The following UBE3D variants were observed in gnomAD, a reference collection of about 807,000 sequenced individuals.
UBE3D encodes the protein ubiquitin protein ligase E3D.
In UBE3D, 48 loss-of-function variants were observed where a neutral mutation model predicts 49.6. The ratio of observed to expected loss-of-function variants is 0.97; its 90% CI spans 0.77 to 1.23. The LOEUF is 1.23. Ranked by LOEUF, UBE3D falls within the 50% of genes most tolerant of loss-of-function variation. UBE3D has a pLI of 0.00. For missense variants in UBE3D, 452 were observed against 468.4 expected, an observed-to-expected ratio of 0.96 and a Z score of 0.32; for synonymous variants, 189 against 174.2, an observed-to-expected ratio of 1.08 and a Z score of -0.67.
chr6:82,977,752 C>T (rs1215749010), intron 8 of UBE3D, among the ~76,000 whole-genome samples: 1 of 152,022 alleles, frequency 6.6e-6, no homozygotes, highest in Non-Finnish European at 1.5e-5. Flanking sequence ...GCAGAAAAAT[C>T]GCTTGAACCC....
At position 82,951,156 on chromosome 6, in the gene UBE3D, T is replaced by C. The variant is rs186027411; in HGVS notation, c.1149+6156A>G. Among the ~76,000 whole-genome samples the C allele has an allele frequency of 2.6e-5, 4 of 152,204 alleles. No individual in the cohort carries two copies. In the East Asian group the frequency reaches 7.7e-4, roughly 29 times the overall value. ...TAAATGCTTGAGGTGACAGATACCATATTTACCCTTATGTGCTTGTTATGC... is the reference window on the plus strand; with the variant it reads ...TAAATGCTTGAGGTGACAGATACCACATTTACCCTTATGTGCTTGTTATGC... On this transcript the variant is annotated intron_variant, in intron 9 of 9. Coordinates refer to ENST00000369747, the MANE Select transcript of UBE3D (RefSeq NM_198920.3).
At chr6:83,060,784 A>G (rs1784122637) in intron 1 of UBE3D, among the ~76,000 whole-genome samples, 2 of 152,234 alleles carry the variant, frequency 1.3e-5, no homozygotes. Context: ...GAAACCATCC[A>G]GAAAGGACTT....
intron 8 of UBE3D, among the ~76,000 whole-genome samples, chr6:83,015,628 G>A (rs1368321125): frequency 2.0e-5 from 3 of 152,078 alleles, no homozygotes; most frequent in Non-Finnish European, 4.4e-5. Flanking sequence ...CGAGTGTAAC[G>A]CACCTCCTCA....
chr6:82,946,550 T>A (rs760227536), intron 9 of UBE3D, among the ~76,000 whole-genome samples: 1 of 152,046 alleles, frequency 6.6e-6, no homozygotes, highest in Non-Finnish European at 1.5e-5. Flanking sequence ...TCATGAGCAA[T>A]AAGACATCAT....
intron 9 of UBE3D, among the ~76,000 whole-genome samples, chr6:82,899,115 G>A (rs1771544080): frequency 6.6e-6 from 1 of 152,068 alleles, no homozygotes; most frequent in Non-Finnish European, 1.5e-5. Flanking sequence ...TACCCAGGAG[G>A]AAGCAAAGAG....
intron 3 of UBE3D, among the ~76,000 whole-genome samples, chr6:83,051,761 G>C (rs1000591162): frequency 2.0e-5 from 3 of 152,154 alleles, no homozygotes; most frequent in South Asian, 4.1e-4. Context: ...CAAAGATGAG[G>C]TTCCCTCCTC....
intron 8 of UBE3D, among the ~76,000 whole-genome samples, chr6:82,965,539 C>T (rs935405639): frequency 1.6e-4 from 24 of 149,444 alleles, no homozygotes; most frequent in African/African-American, 5.7e-4. Flanking sequence ...GCCGAGATAC[C>T]GCCATTGTCC....
intron 8 of UBE3D, among the ~76,000 whole-genome samples, chr6:83,000,504 C>A (rs1320826752): frequency 8.5e-5 from 13 of 152,180 alleles, no homozygotes; most frequent in Admixed American, 8.5e-4. Flanking sequence ...TAGGCTACTG[C>A]AATAGCTTCC....
intron 1 of UBE3D, among the ~76,000 whole-genome samples, chr6:83,064,772 T>G (rs1165910504): frequency 3.9e-5 from 6 of 152,226 alleles, no homozygotes; most frequent in African/African-American, 1.4e-4. Context: ...TAAATTATTC[T>G]AATTTCGTGA....
At chr6:82,882,649 G>C in the UBE3D span, among the ~76,000 whole-genome samples, 34 of 152,150 alleles carry the variant, frequency 2.2e-4, no homozygotes, top group Non-Finnish European at 3.8e-4. Flanking sequence ...GGGCCCATCT[G>C]CTTCAAACTA....
At chr6:82,950,319 A>G (rs1775695441) in intron 9 of UBE3D, among the ~76,000 whole-genome samples, 1 of 152,216 alleles carries the variant, frequency 6.6e-6, no homozygotes, top group Admixed American at 6.5e-5. Flanking sequence ...ACAGGATATC[A>G]TCTCACACCA....
intron 9 of UBE3D, among the ~76,000 whole-genome samples, chr6:82,905,402 C>T (rs1772027587): frequency 6.6e-6 from 1 of 151,996 alleles, no homozygotes; most frequent in South Asian, 2.1e-4. Flanking sequence ...TTTTGGGGCA[C>T]CACAAATCAT....
chr6:82,991,290 C>G (rs1432567693), intron 8 of UBE3D, among the ~76,000 whole-genome samples: 1 of 152,146 alleles, frequency 6.6e-6, no homozygotes, highest in African/African-American at 2.4e-5. Context: ...AAGAAAGGAA[C>G]ATGAAAGAAT....
At chr6:83,034,406 C>T (rs1001613699) in intron 5 of UBE3D, among the ~76,000 whole-genome samples, 3 of 152,090 alleles carry the variant, frequency 2.0e-5, no homozygotes, top group Non-Finnish European at 4.4e-5. Context: ...CTTCAATCAC[C>T]TTTTAGCTAA....
At chr6:83,061,807 G>C (rs1412455207) in intron 1 of UBE3D, among the ~76,000 whole-genome samples, 1 of 152,120 alleles carries the variant, frequency 6.6e-6, no homozygotes, top group Non-Finnish European at 1.5e-5. Flanking sequence ...TTTTCATGGA[G>C]AGTAGGTTAT....
chr6:83,029,601 T>C (rs1327335409), intron 5 of UBE3D, among the ~76,000 whole-genome samples: 1 of 152,234 alleles, frequency 6.6e-6, no homozygotes, highest in African/African-American at 2.4e-5. Context: ...AAGACCTTTT[T>C]TTCTTGAGTA....
At chr6:83,058,192 A>G (rs1399032971) in intron 1 of UBE3D, among the ~76,000 whole-genome samples, 170 bp from the exon 2 acceptor site, 2 of 152,236 alleles carry the variant, frequency 1.3e-5, no homozygotes, top group African/African-American at 4.8e-5. Context: ...AACCTACACT[A>G]GATTTAGATC....
the UBE3D span, among the ~76,000 whole-genome samples, chr6:82,884,222 T>C: frequency 6.6e-6 from 1 of 152,178 alleles, no homozygotes; most frequent in Non-Finnish European, 1.5e-5. Context: ...TCTCCTTCCA[T>C]CTATACCCTA....
At chr6:82,929,405 T>TA (rs1373266937) in intron 9 of UBE3D, among the ~76,000 whole-genome samples, 1 of 152,240 alleles carries the variant, frequency 6.6e-6, no homozygotes, top group Non-Finnish European at 1.5e-5. Flanking sequence ...GGCTTTCTCT[T>TA]ACTGAAGATT....
Sources: allele counts gnomAD v4.1 joint callset (sites outside exome capture counted in the v4.1 genomes callset), GRCh38; gene constraint gnomAD v4.1.1; transcripts MANE v1.5; gene names NCBI Gene and HGNC (gene_info 2026-07-23, HGNC 2026-07-21).